The following ANO4 variants were observed in gnomAD, a reference collection of about 807,000 sequenced individuals.
ANO4 encodes anoctamin 4.
In ANO4, 69 loss-of-function variants were observed where a neutral mutation model predicts 141.9. The observed-to-expected ratio is 0.49, with a 90% CI of 0.40 to 0.59. The LOEUF (loss-of-function observed/expected upper bound fraction) is 0.59, where lower values mean the gene tolerates loss of function less well. ANO4 is among the 20% of genes least tolerant of loss of function. The pLI is 0.00. For synonymous variants in ANO4, 350 were observed against 394.3 expected, an observed-to-expected ratio of 0.89 and a Z score of 1.33; for missense variants, 894 against 1,162.2, an observed-to-expected ratio of 0.77 and a Z score of 3.36.
At chr12:101,003,191 G>A (rs1013859950) in intron 8 of ANO4, among the ~76,000 whole-genome samples, 1 of 152,254 alleles carries the variant, frequency 6.6e-6, no homozygotes, top group African/African-American at 2.4e-5. Flanking sequence ...AATCTCAGTG[G>A]CCTGCACAAA....
At chr12:100,747,663 A>G (rs1474106016) in intron 3 of ANO4, among the ~76,000 whole-genome samples, 2 of 152,116 alleles carry the variant, frequency 1.3e-5, no homozygotes, top group Non-Finnish European at 2.9e-5. Context: ...TCACAAGGTC[A>G]GGAGTTCGAG....
intron 3 of ANO4, among the ~76,000 whole-genome samples, chr12:100,925,332 G>A (rs2041818404): frequency 6.6e-6 from 1 of 151,970 alleles, no homozygotes; most frequent in African/African-American, 2.4e-5. Context: ...TAAAGAATAT[G>A]GAGTTCTGCG....
chr12:101,123,559 G>A (rs1211640805), intron 26 of ANO4, among the ~76,000 whole-genome samples: 1 of 148,662 alleles, frequency 6.7e-6, no homozygotes, highest in East Asian at 2.0e-4. Context: ...TTATAAGTGA[G>A]AACATGTGGT....
At chr12:100,900,102 A>AGAAG (rs2040522464) in intron 1 of ANO4, among the ~76,000 whole-genome samples, 1 of 152,134 alleles carries the variant, frequency 6.6e-6, no homozygotes, top group East Asian at 1.9e-4. Flanking sequence ...TCACTCAGAA[A>AGAAG]GAAAGAAGGA....
At chr12:100,747,608 C>T (rs1355355892) in intron 3 of ANO4, among the ~76,000 whole-genome samples, 5 of 152,220 alleles carry the variant, frequency 3.3e-5, no homozygotes, top group Non-Finnish European at 7.3e-5. Flanking sequence ...GGTGTGGTGG[C>T]TCACGCCTGT....
chr12:100,973,946 C>CA (rs995713720), intron 6 of ANO4, among the ~76,000 whole-genome samples: 1 of 151,936 alleles, frequency 6.6e-6, no homozygotes, highest in Non-Finnish European at 1.5e-5. Context: ...CACAAATACG[C>CA]AAAAAAATTG....
At position 101,015,139 on chromosome 12, in the gene ANO4, T is replaced by A. The variant is rs183916606; in HGVS notation, c.735-4895T>A. On this transcript the variant is annotated intron_variant, in intron 8 of 27. Transcript: ENST00000392977. The stretch of plus-strand genomic sequence containing the variant: ...CACCCAGCCAAAAATTGCAGTTTTT[T>A]AAAAAATGTGTAATAGTACTTACAC... Among the ~76,000 whole-genome samples the A allele has an allele frequency of 3.3e-3, 505 of 152,182 alleles. 3 individuals carry two copies. Among genetic ancestry groups the A allele is most frequent in the African/African-American group, 0.012 (482 of 41,498 alleles).
chr12:100,998,884 GCTT>G (rs1233604653), intron 8 of ANO4, among the ~76,000 whole-genome samples: 1 of 152,180 alleles, frequency 6.6e-6, no homozygotes, highest in Admixed American at 6.5e-5. Context: ...TTCATATAGT[GCTT>G]AGTGGGTTCC....
chr12:100,745,554 G>A (rs2032064351), intron 3 of ANO4, among the ~76,000 whole-genome samples: 1 of 152,170 alleles, frequency 6.6e-6, no homozygotes, highest in Non-Finnish European at 1.5e-5. Context: ...ATTAGACACA[G>A]TTGAAGAGAG....
chr12:101,054,081 A>G (rs1244292928), intron 14 of ANO4, among the ~76,000 whole-genome samples: 1 of 152,230 alleles, frequency 6.6e-6, no homozygotes, highest in Non-Finnish European at 1.5e-5. Context: ...CAGAATAAAA[A>G]CCACACGTGT....
chr12:101,070,144 T>C (rs1294974630), intron 14 of ANO4, among the ~76,000 whole-genome samples: 1 of 152,152 alleles, frequency 6.6e-6, no homozygotes, highest in Non-Finnish European at 1.5e-5. Context: ...AATTATGTGC[T>C]TCACAGAAAT....
At chr12:100,803,232 A>T (rs1369227097) in intron 1 of ANO4, among the ~76,000 whole-genome samples, 1 of 152,212 alleles carries the variant, frequency 6.6e-6, no homozygotes, top group Non-Finnish European at 1.5e-5. Context: ...CCGGGAGCAG[A>T]GAAATGGTGG....
intron 2 of ANO4, among the ~76,000 whole-genome samples, chr12:100,921,543 G>T (rs1357010387): frequency 1.3e-5 from 2 of 152,114 alleles, no homozygotes; most frequent in Non-Finnish European, 2.9e-5. Flanking sequence ...AAGGTTTATT[G>T]TTCGTGATAA....
intron 1 of ANO4, among the ~76,000 whole-genome samples, chr12:100,724,800 G>A (rs910377329): frequency 6.6e-6 from 1 of 152,170 alleles, no homozygotes. Context: ...ACCCAGCTAG[G>A]AGGAAAGAAT....
intron 5 of ANO4, among the ~76,000 whole-genome samples, chr12:100,950,531 T>A (rs1385315033): frequency 2.0e-5 from 3 of 152,138 alleles, no homozygotes; most frequent in African/African-American, 7.2e-5. Flanking sequence ...GAACTTGAGG[T>A]GAGAATTCTT....
intron 1 of ANO4, 64 bp from the exon 2 acceptor site, chr12:100,901,582 G>C (rs767870031): frequency 1.6e-6 from 1 of 629,716 alleles, no homozygotes; most frequent in Non-Finnish European, 2.9e-6. Context: ...ATATGAGAGC[G>C]TAACAGCCTT....
chr12:100,977,769 T>C (rs1306316394), intron 7 of ANO4, among the ~76,000 whole-genome samples: 1 of 152,190 alleles, frequency 6.6e-6, no homozygotes, highest in African/African-American at 2.4e-5. Context: ...AATCTGATTA[T>C]TGTCACTTGG....
At chr12:100,740,967 G>A (rs2031839593) in intron 3 of ANO4, among the ~76,000 whole-genome samples, 1 of 152,144 alleles carries the variant, frequency 6.6e-6, no homozygotes, top group Non-Finnish European at 1.5e-5. Flanking sequence ...GAAAATGTTT[G>A]CTGACTGCTG....
chr12:101,017,997 TA>T (rs1055733927), intron 8 of ANO4, among the ~76,000 whole-genome samples: 4 of 152,190 alleles, frequency 2.6e-5, no homozygotes, highest in African/African-American at 9.7e-5. Context: ...TGTGATGCTA[TA>T]AAAAGGGAAG....
Sources: gnomAD v4.1 joint callset for allele counts (sites outside exome capture counted in the v4.1 genomes callset) on GRCh38, gnomAD v4.1.1 for gene constraint, MANE v1.5 for transcripts, NCBI Gene and HGNC (gene_info 2026-07-23, HGNC 2026-07-21) for gene names.